The following SGPP1 variants were observed in gnomAD, a reference collection of about 807,000 sequenced individuals.
SGPP1 encodes the protein sphingosine-1-phosphate phosphatase 1.
A neutral mutation model predicts 33.0 loss-of-function variants in SGPP1; 21 were observed. The ratio of observed to expected loss-of-function variants is 0.64; its 90% CI spans 0.45 to 0.92. The LOEUF is 0.92. SGPP1 is among the 40% of genes least tolerant of loss of function. SGPP1 has a pLI of 0.00. For missense variants in SGPP1, 543 were observed against 589.4 expected (o/e 0.92, Z 0.81); for synonymous variants, 239 against 241.2 (o/e 0.99, Z 0.08).
In SGPP1 at chr14:63,685,967, ACT is replaced by A. The variant is rs558313814; in HGVS notation, c.*136_*137del. The A allele has an allele frequency of 6.7e-4, 372 of 555,536 alleles. 1 individual carries two copies. The highest frequency in any genetic ancestry group is 6.6e-3 in the African/African-American group (347 of 52,342). The allele number at this position is 555,536 out of a possible 1,614,324, so 34.4% of individuals were successfully genotyped here. On this transcript the variant is annotated 3_prime_UTR_variant, in exon 3 of 3. Transcript: ENST00000247225. ...GGATGTGCAATGATAAAATGCACTG[ACT>A]CTTATGAATTTACTTAAATAATTAT...
chr14:63,714,553 T>C (rs1417885158), intron 1 of SGPP1, among the ~76,000 whole-genome samples: 1 of 152,154 alleles, frequency 6.6e-6, no homozygotes, highest in African/African-American at 2.4e-5. Context: ...CCCAAGTATC[T>C]GGGACTACAA....
intron 1 of SGPP1, among the ~76,000 whole-genome samples, chr14:63,703,366 T>G (rs1885338777): frequency 6.6e-6 from 1 of 152,014 alleles, no homozygotes; most frequent in African/African-American, 2.4e-5. Flanking sequence ...ATTAAAGACC[T>G]AATTAAGGCC....
intron 1 of SGPP1, among the ~76,000 whole-genome samples, chr14:63,711,088 A>C (rs905640784): frequency 6.7e-6 from 1 of 148,446 alleles, no homozygotes; most frequent in Non-Finnish European, 1.5e-5. Flanking sequence ...ATCTTGGCTC[A>C]CTGCAACCTC....
At chr14:63,687,667 A>G (rs1452074371) in intron 2 of SGPP1, among the ~76,000 whole-genome samples, 1 of 152,198 alleles carries the variant, frequency 6.6e-6, no homozygotes, top group South Asian at 2.1e-4. Context: ...ATCAAGTGCA[A>G]AGGCTTTTGT....
chr14:63,697,352 G>C (rs1015234728), intron 2 of SGPP1, among the ~76,000 whole-genome samples: 4 of 150,558 alleles, frequency 2.7e-5, no homozygotes, highest in Admixed American at 1.3e-4. Context: ...AGAAATAAGA[G>C]AATGAAATAA....
intron 2 of SGPP1, among the ~76,000 whole-genome samples, chr14:63,690,836 A>G (rs878957558): frequency 3.3e-5 from 5 of 152,048 alleles, no homozygotes; most frequent in Admixed American, 2.0e-4. Flanking sequence ...TCAGCCTCCC[A>G]AGTAGCTGGG....
chr14:63,719,297 G>A (rs751407377), intron 1 of SGPP1, among the ~76,000 whole-genome samples: 5 of 150,552 alleles, frequency 3.3e-5, no homozygotes, highest in South Asian at 2.1e-4. Context: ...GAGCCACCAC[G>A]CCTGGCCACA....
intron 1 of SGPP1, among the ~76,000 whole-genome samples, chr14:63,719,003 TATATATATATA>T (rs1286352467): frequency 3.3e-3 from 88 of 26,950 alleles, no homozygotes; most frequent in African/African-American, 0.011. Context: ...TATATATATA[TATATATATATA>T]TTTTTTTTTT....
At chr14:63,697,588 T>C (rs1324375147) in intron 2 of SGPP1, among the ~76,000 whole-genome samples, 1 of 152,182 alleles carries the variant, frequency 6.6e-6, no homozygotes, top group Non-Finnish European at 1.5e-5. Context: ...TGGAGTCTAG[T>C]ATACTTGACA....
At chr14:63,688,281 A>T (rs1885023280) in intron 2 of SGPP1, among the ~76,000 whole-genome samples, 1 of 141,480 alleles carries the variant, frequency 7.1e-6, no homozygotes, top group African/African-American at 2.6e-5. Flanking sequence ...GCGCCATTGC[A>T]CTCCAGCCTG....
intron 1 of SGPP1, among the ~76,000 whole-genome samples, chr14:63,723,634 G>A (rs373620819): frequency 1.3e-5 from 2 of 151,762 alleles, no homozygotes; most frequent in Admixed American, 6.6e-5. Context: ...CAGGAGAATC[G>A]CTTGAACCGG....
intron 1 of SGPP1, among the ~76,000 whole-genome samples, chr14:63,705,471 G>A (rs1595066549): frequency 1.3e-5 from 2 of 151,050 alleles, no homozygotes; most frequent in African/African-American, 2.4e-5. Context: ...AGTTTGAGAT[G>A]AGCCTGGGCA....
Position 63,727,834 on chromosome 14 carries a change from T to C in SGPP1, c.111A>G (p.Ala37=), listed in dbSNP as rs1023743518. 7.3e-6 allele frequency: 11 copies of C among 1,511,386 alleles called. No homozygotes were observed. Among genetic ancestry groups the C allele is most frequent in the South Asian group, 3.6e-5 (3 of 82,290 alleles). The allele number at this position is 1,511,386 out of a possible 1,614,324, so 93.6% of individuals were successfully genotyped here. A position where few individuals can be genotyped will look rare whatever the true frequency, so the allele number is the denominator to read the frequency against. ...CGVEAPPRRS[A]DRREDEKAEA... Reference sequence around the variant, plus strand: ...CCGCTTTCTCATCCTCCCTCCGGTCTGCTGAGCGGCGCGGCGGCGCTTCCA... The same window carrying C: ...CCGCTTTCTCATCCTCCCTCCGGTCCGCTGAGCGGCGCGGCGGCGCTTCCA... Residue 37 remains alanine (A), a synonymous_variant, in exon 1 of 3, where the codon GCA becomes GCG. Transcript: ENST00000247225.
chr14:63,716,273 A>T (rs1288850499), intron 1 of SGPP1, among the ~76,000 whole-genome samples: 1 of 152,094 alleles, frequency 6.6e-6, no homozygotes, highest in Non-Finnish European at 1.5e-5. Flanking sequence ...GTGAGAGGAT[A>T]GTATGAGCCC....
At chr14:63,708,047 A>G (rs1263913086) in intron 1 of SGPP1, among the ~76,000 whole-genome samples, 1 of 152,116 alleles carries the variant, frequency 6.6e-6, no homozygotes, top group South Asian at 2.1e-4. Context: ...CAATTCTGTA[A>G]GAGCTTAGTT....
intron 1 of SGPP1, among the ~76,000 whole-genome samples, chr14:63,710,059 G>A (rs569219492): frequency 6.6e-6 from 1 of 152,098 alleles, no homozygotes; most frequent in Admixed American, 6.5e-5. Flanking sequence ...AAATATGGAA[G>A]GCAGGCACAG....
At position 63,686,242 on chromosome 14, in the gene SGPP1, T is replaced by C. The variant is rs1478963963; in HGVS notation, c.1189A>G (p.Ile397Val). 1.9e-6 allele frequency: 3 copies of C among 1,614,164 alleles called. No homozygotes were observed. Among genetic ancestry groups the C allele is most frequent in the Non-Finnish European group, 2.5e-6 (3 of 1,180,020 alleles). ...TIPLACKIFN[I>V]PCDDIRKARQ... ...GCTTTTCGAATATCATCACACGGTA[T>C]ATTGAAGATTTTGCAGGCTAAAGGA... is the stretch of plus-strand genomic sequence containing the variant. The change falls in exon 3 of 3, where the codon ATA becomes GTA. Residue 397 changes from isoleucine to valine, a missense_variant. Transcript: ENST00000247225.
rs1884944367 is a variant in SGPP1, at chr14:63,685,149, T to C, written c.*956A>G. ...AAAGGGAAGTATTTATCCATTTAGC[T>C]TTCTAATAAATTGGTGAGAAAGTTT... is the stretch of plus-strand genomic sequence containing the variant. On this transcript the variant is annotated 3_prime_UTR_variant, in exon 3 of 3. Coordinates refer to ENST00000247225, the MANE Select transcript of SGPP1 (RefSeq NM_030791.4). 1 of 152,258 alleles carries C rather than the reference T, an allele frequency of 6.6e-6. No individual in the cohort carries two copies. Among genetic ancestry groups the C allele is most frequent in the Non-Finnish European group, 1.5e-5 (1 of 67,922 alleles). The allele number at this position is 152,258 out of a possible 1,614,324, so 9.4% of individuals were successfully genotyped here.
chr14:63,703,795 TTTAAG>T (rs1351238417), intron 1 of SGPP1, among the ~76,000 whole-genome samples: 55 of 150,086 alleles, frequency 3.7e-4, no homozygotes, highest in African/African-American at 1.3e-3. Context: ...GTAATCCCTA[TTTAAG>T]TTTTTTTTTT....
Sources: allele counts gnomAD v4.1 joint callset (sites outside exome capture counted in the v4.1 genomes callset), GRCh38; gene constraint gnomAD v4.1.1; transcripts MANE v1.5; gene names NCBI Gene and HGNC (gene_info 2026-07-23, HGNC 2026-07-21).